NR2F1-AS1: variants seen among roughly 807,000 people sequenced by gnomAD.
The protein encoded by NR2F1-AS1 is NR2F1 regulatory antisense RNA 1.
intron 4 of NR2F1-AS1, among the ~76,000 whole-genome samples, chr5:93,434,106 C>T (rs1221216200): frequency 6.6e-6 from 1 of 152,116 alleles, no homozygotes; most frequent in African/African-American, 2.4e-5. Context: ...TCTCTTCTTA[C>T]AGCTAATGAA....
intron 4 of NR2F1-AS1, among the ~76,000 whole-genome samples, chr5:93,476,013 G>A (rs1372009956): frequency 6.6e-6 from 1 of 152,048 alleles, no homozygotes; most frequent in Admixed American, 6.6e-5. Context: ...CTATTTTTAT[G>A]TTGTGCCAAA....
At chr5:93,548,221 GA>G (rs1188186130) in intron 4 of NR2F1-AS1, among the ~76,000 whole-genome samples, 1 of 152,180 alleles carries the variant, frequency 6.6e-6, no homozygotes, top group East Asian at 1.9e-4. Flanking sequence ...ATCACAAATG[GA>G]AACAACCTAG....
intron 4 of NR2F1-AS1, among the ~76,000 whole-genome samples, chr5:93,508,343 G>A (rs571677928): frequency 1.9e-4 from 29 of 152,124 alleles, no homozygotes; most frequent in South Asian, 8.3e-4. Flanking sequence ...TTGTTGGTAC[G>A]CTATATTAGA....
chr5:93,481,018 G>A (rs1750588864), intron 4 of NR2F1-AS1, among the ~76,000 whole-genome samples: 1 of 151,996 alleles, frequency 6.6e-6, no homozygotes, highest in Admixed American at 6.6e-5. Context: ...AGTTCTTCAT[G>A]ATCAGTTGGC....
At chr5:93,552,815 C>T (rs1752263024) in intron 4 of NR2F1-AS1, among the ~76,000 whole-genome samples, 2 of 152,210 alleles carry the variant, frequency 1.3e-5, no homozygotes, top group South Asian at 4.1e-4. Context: ...GTTACTTACA[C>T]ATACACACAC....
intron 4 of NR2F1-AS1, among the ~76,000 whole-genome samples, chr5:93,421,238 T>C (rs1028256503): frequency 6.6e-6 from 1 of 152,160 alleles, no homozygotes; most frequent in African/African-American, 2.4e-5. Flanking sequence ...TTTTAACTGA[T>C]GGAGACCGAA....
At chr5:93,564,139 A>C (rs1243176435) in intron 1 of NR2F1-AS1, among the ~76,000 whole-genome samples, 13 of 127,836 alleles carry the variant, frequency 1.0e-4, no homozygotes, top group African/African-American at 3.8e-4. Context: ...AAAAAAAAAA[A>C]AAAAAAAAAA....
intron 1 of NR2F1-AS1, among the ~76,000 whole-genome samples, chr5:93,573,487 G>A (rs747431323): frequency 3.3e-5 from 5 of 152,134 alleles, no homozygotes; most frequent in Non-Finnish European, 5.9e-5. Context: ...CACGCAACTG[G>A]GAGATCCTGG....
chr5:93,411,837 C>T (rs1450633528), intron 4 of NR2F1-AS1, among the ~76,000 whole-genome samples: 3 of 152,194 alleles, frequency 2.0e-5, no homozygotes, highest in Admixed American at 1.3e-4. Context: ...AAGCCCCACT[C>T]GAGGTCCCAG....
chr5:93,549,756 C>T (rs73133287), intron 4 of NR2F1-AS1, among the ~76,000 whole-genome samples: 16,022 of 152,044 alleles, frequency 0.11, 949 homozygotes, highest in Middle Eastern at 0.16. Flanking sequence ...CCCATTTTCA[C>T]ATATACACCA....
rs6889857 is a variant in NR2F1-AS1, at chr5:93,579,796, G to A, written n.313+671C>T. On this transcript the variant is annotated intron_variant and non_coding_transcript_variant, in intron 1 of 5. Coordinates refer to ENST00000660523, the Ensembl canonical transcript of NR2F1-AS1. This position sits in a 1 kb window ranked among gnomAD's most constrained non-coding sequence, Gnocchi z 5.1. ...CCCAGCCGGCTGGCAGCGGCGCAGGGAGTCTGGCTCGGCTGCTAGGCTGCG... is the reference window on the plus strand; with the variant it reads ...CCCAGCCGGCTGGCAGCGGCGCAGGAAGTCTGGCTCGGCTGCTAGGCTGCG... Among the ~76,000 whole-genome samples the A allele has an allele frequency of 0.15, 22,912 of 152,196 alleles. 2,505 individuals carry two copies. Among genetic ancestry groups the A allele is most frequent in the African/African-American group, 0.3 (12,584 of 41,502 alleles).
intron 4 of NR2F1-AS1, among the ~76,000 whole-genome samples, chr5:93,523,162 G>A (rs912037058): frequency 3.3e-5 from 5 of 152,130 alleles, no homozygotes; most frequent in African/African-American, 1.2e-4. Context: ...GCTTGGTGGG[G>A]GGAGGGGTGT....
intron 4 of NR2F1-AS1, among the ~76,000 whole-genome samples, chr5:93,530,372 C>T (rs1300935087): frequency 6.6e-6 from 1 of 152,096 alleles, no homozygotes; most frequent in Non-Finnish European, 1.5e-5. Flanking sequence ...GATTTGAAGG[C>T]TTTTATATAT....
At chr5:93,539,056 A>G (rs1416580062) in intron 4 of NR2F1-AS1, among the ~76,000 whole-genome samples, 1 of 152,206 alleles carries the variant, frequency 6.6e-6, no homozygotes, top group Non-Finnish European at 1.5e-5. Flanking sequence ...AGGCAGGCGG[A>G]TCACTTGAGG....
chr5:93,523,626 C>T (rs1751551040), intron 4 of NR2F1-AS1, among the ~76,000 whole-genome samples: 1 of 152,152 alleles, frequency 6.6e-6, no homozygotes, highest in Non-Finnish European at 1.5e-5. Flanking sequence ...CTGGCAGGTG[C>T]CCCTCTGGGA....
At chr5:93,578,133 A>G (rs1002402732) in intron 1 of NR2F1-AS1, among the ~76,000 whole-genome samples, 1 of 152,136 alleles carries the variant, frequency 6.6e-6, no homozygotes. Context: ...GGATATGTTA[A>G]CAGACAGACA....
upstream of NR2F1-AS1, chr5:93,585,220 C>G: frequency 1.3e-6 from 2 of 1,546,382 alleles, no homozygotes; most frequent in African/African-American, 1.4e-5. Flanking sequence ...ACCCCCGGCA[C>G]GGCGGGGGAC....
chr5:93,413,915 T>C (rs1269922901), intron 4 of NR2F1-AS1, among the ~76,000 whole-genome samples: 1 of 152,172 alleles, frequency 6.6e-6, no homozygotes, highest in Admixed American at 6.5e-5. Context: ...TCTTACATCA[T>C]AGATCTCTGA....
At chr5:93,494,388 T>C (rs1481166057) in intron 4 of NR2F1-AS1, among the ~76,000 whole-genome samples, 1 of 152,136 alleles carries the variant, frequency 6.6e-6, no homozygotes, top group Non-Finnish European at 1.5e-5. Context: ...CTGAGCACTA[T>C]TGGGAGGGCA....
Sources: allele counts gnomAD v4.1 joint callset (sites outside exome capture counted in the v4.1 genomes callset), GRCh38; gene constraint gnomAD v4.1.1; non-coding constraint Gnocchi (gnomAD v3.1); transcripts MANE v1.5; gene names NCBI Gene and HGNC (gene_info 2026-07-23, HGNC 2026-07-21).